The following AHCTF1 variants were observed in gnomAD, a reference collection of about 807,000 sequenced individuals.
The protein encoded by AHCTF1 is protein ELYS.
AHCTF1 carries 24 observed loss-of-function variants against 248.4 expected under a neutral mutation model. That is an observed-to-expected ratio of 0.10 (90% CI 0.07 to 0.14). The LOEUF is 0.14. Ranked by LOEUF, AHCTF1 falls within the 10% of genes least tolerant of loss-of-function variation. The pLI, the probability that AHCTF1 is intolerant of heterozygous loss-of-function variation, is 1.00. For missense variants in AHCTF1, 2,206 were observed against 2,636.2 expected, an observed-to-expected ratio of 0.84 and a Z score of 3.57; for synonymous variants, 786 against 929.8, an observed-to-expected ratio of 0.85 and a Z score of 2.81.
chr1:246,903,566 AC>A (rs1665154055), intron 7 of AHCTF1, among the ~76,000 whole-genome samples: 1 of 152,048 alleles, frequency 6.6e-6, no homozygotes, highest in African/African-American at 2.4e-5. Context: ...GCGGTGGCTC[AC>A]ACCTGTAATC....
intron 1 of AHCTF1, among the ~76,000 whole-genome samples, chr1:246,922,509 T>A (rs1227480323): frequency 6.6e-6 from 1 of 150,908 alleles, no homozygotes; most frequent in African/African-American, 2.4e-5. Context: ...CAATGCAGCC[T>A]CAATCTCCTG....
intron 30 of AHCTF1, among the ~76,000 whole-genome samples, chr1:246,857,340 TCTA>T (rs1324309399): frequency 1.3e-5 from 2 of 152,194 alleles, no homozygotes; most frequent in African/African-American, 4.8e-5. Flanking sequence ...TCCCCTGTGC[TCTA>T]CTGTGTCTAC....
At position 246,851,135 on chromosome 1, in the gene AHCTF1, T is replaced by C. The variant is rs143544844; in HGVS notation, c.4871A>G (p.Glu1624Gly). The change falls in exon 33 of 36, where the codon GAA becomes GGA. Residue 1624 changes from glutamate to glycine, a missense_variant. This residue lies in a region of AHCTF1 where 955 missense variants were observed against 1,055.6 expected (regional missense o/e 0.90). Coordinates refer to ENST00000648844, the MANE Select transcript of AHCTF1 (RefSeq NM_001323342.2). ...ATTTTCCCCACTGCATACAAGTTTT[T>C]CTTCAGTTGCTGTGTTAGCTGCTTT... is the stretch of plus-strand genomic sequence containing the variant. ...LPKAANTATEEKLVCSGENDN... is the reference protein window; with the variant it reads ...LPKAANTATEGKLVCSGENDN... The C allele has an allele frequency of 4.0e-5, 64 of 1,613,956 alleles. No homozygotes were observed. In the African/African-American group the frequency reaches 6.9e-4, roughly 17 times the overall value.
rs755808040 is a variant in AHCTF1 at position 246,919,630 on chromosome 1, T to G, written c.-7-1253A>C. ...CGGGAGGCTGAAGCAGGAGAATCAC[T>G]TGAACCCAGGAGGTGGAGGTTGCAG... is the stretch of plus-strand genomic sequence containing the variant. On this transcript the variant is annotated intron_variant, in intron 1 of 35. Coordinates refer to ENST00000648844, the MANE Select transcript of AHCTF1 (RefSeq NM_001323342.2). Among the ~76,000 whole-genome samples, 2 of 151,304 alleles carry G rather than the reference T, an allele frequency of 1.3e-5. 1 individual carries two copies. Among genetic ancestry groups the G allele is most frequent in the South Asian group, 4.2e-4 (2 of 4,794 alleles).
rs368307524 is a variant in AHCTF1 at position 246,840,950 on chromosome 1, C to A, written c.6657G>T (p.Arg2219=). 1 of 1,611,956 alleles carries A rather than the reference C, an allele frequency of 6.2e-7. No homozygotes were observed. Among genetic ancestry groups the A allele is most frequent in the Non-Finnish European group, 8.5e-7 (1 of 1,179,278 alleles). The stretch of plus-strand genomic sequence containing the variant: ...CTGGGCTAGCCAAGGGGGAAATCAG[C>A]CGAATTTCTATGGGAGGAGGTGACC... ...SAWSPPPIEI[R]LISPLASPAD... is the part of the protein sequence containing the mutation. The change falls in exon 36 of 36, where the codon CGG becomes CGT. Residue 2219 remains arginine (R), a synonymous_variant. Coordinates refer to ENST00000648844, the MANE Select transcript of AHCTF1 (RefSeq NM_001323342.2).
intron 24 of AHCTF1, among the ~76,000 whole-genome samples, chr1:246,868,497 C>T (rs937563331): frequency 1.3e-5 from 2 of 151,916 alleles, no homozygotes; most frequent in Non-Finnish European, 2.9e-5. Flanking sequence ...TCAAGTGATC[C>T]TCCCTCCTCG....
intron 24 of AHCTF1, among the ~76,000 whole-genome samples, chr1:246,871,248 A>G (rs1662573781): frequency 6.6e-6 from 1 of 152,158 alleles, no homozygotes; most frequent in Admixed American, 6.5e-5. Flanking sequence ...TCAGACATTA[A>G]TGGTCTAGGT....
intron 31 of AHCTF1, among the ~76,000 whole-genome samples, chr1:246,854,978 A>G (rs1216003257): frequency 6.6e-6 from 1 of 152,236 alleles, no homozygotes; most frequent in Non-Finnish European, 1.5e-5. Flanking sequence ...ATGTTAGACA[A>G]TTCTCTCTGG....
At chr1:246,852,691 A>G (rs1660799460) in intron 32 of AHCTF1, among the ~76,000 whole-genome samples, 1 of 152,184 alleles carries the variant, frequency 6.6e-6, no homozygotes, top group African/African-American at 2.4e-5. Flanking sequence ...ATCAGCAAAA[A>G]TTAACTTGAT....
chr1:246,895,363 A>G (rs564827505), intron 13 of AHCTF1, among the ~76,000 whole-genome samples: 10 of 152,060 alleles, frequency 6.6e-5, no homozygotes, highest in Non-Finnish European at 1.2e-4. Context: ...AATGGTTCAG[A>G]AAAAAAACTA....
rs1460634121 is a variant in AHCTF1 at position 246,864,713 on chromosome 1, G to A, written c.3348-597C>T. Among the ~76,000 whole-genome samples the A allele has an allele frequency of 2.9e-5, 2 of 68,416 alleles. 1 individual carries two copies. Among genetic ancestry groups the A allele is most frequent in the Non-Finnish European group, 4.6e-5 (2 of 43,922 alleles). 44.9% of individuals were successfully genotyped at this position (68,416 alleles called of 152,430 possible). On this transcript the variant is annotated intron_variant, in intron 26 of 35. Transcript: ENST00000648844. ...AAATTAGCCGGGCGCGGTGGCGGGC[G>A]CCTGTAGTCCCAGCTACTCGGGAGG...
At chr1:246,897,756 G>A (rs531355327) in intron 12 of AHCTF1, among the ~76,000 whole-genome samples, 14 of 152,244 alleles carry the variant, frequency 9.2e-5, no homozygotes, top group African/African-American at 3.1e-4. Context: ...CAAGGTGGGA[G>A]GGTAACTTGA....
At position 246,918,256 on chromosome 1, in the gene AHCTF1, C is replaced by A; in HGVS notation, c.115G>T (p.Ala39Ser). 1.2e-6 allele frequency: 2 copies of A among 1,606,044 alleles called. No individual in the cohort carries two copies. Among genetic ancestry groups the A allele is most frequent in the African/African-American group, 2.7e-5 (2 of 74,868 alleles). Residue 39 changes from alanine (A) to serine (S), a missense_variant, in exon 2 of 36, where the codon GCT becomes TCT. Transcript: ENST00000648844. ...TLESVLRGKF[A>S]AGKNGLACLA... ...TCAGTGACATTATGTTTACCTGCAG[C>A]AAACTTTCCACGAAGCACAGATTCT...
chr1:246,904,130 A>C, intron 6 of AHCTF1, 97 bp from the exon 7 acceptor site: 1 of 986,172 alleles, frequency 1.0e-6, no homozygotes, highest in Non-Finnish European at 1.6e-6. Context: ...TGTTGAGTGC[A>C]TGTGACAAAA....
intron 1 of AHCTF1, among the ~76,000 whole-genome samples, chr1:246,920,164 AAAAAG>A (rs1666434485): frequency 6.7e-6 from 1 of 149,448 alleles, no homozygotes; most frequent in African/African-American, 2.5e-5. Context: ...AAAAAAAAAA[AAAAAG>A]AAAAGAAGCT....
Position 246,839,522 on chromosome 1 carries a change from A to C in AHCTF1, c.*1284T>G. 1.0e-6 allele frequency: 1 copy of C among 985,842 alleles called. No individual in the cohort carries two copies. The highest frequency in any genetic ancestry group is 1.2e-6 in the Non-Finnish European group (1 of 829,914). The allele number at this position is 985,842 out of a possible 1,614,324, so 61.1% of individuals were successfully genotyped here. Reference sequence around the variant, plus strand: ...TTTTCAACAAGGCAGCGTAACATCCATCACTAACCTGACTAAAAGGCCGCA... The same window carrying C: ...TTTTCAACAAGGCAGCGTAACATCCCTCACTAACCTGACTAAAAGGCCGCA... On this transcript the variant is annotated 3_prime_UTR_variant, in exon 36 of 36. Coordinates refer to ENST00000648844, the MANE Select transcript of AHCTF1 (RefSeq NM_001323342.2).
Position 246,853,343 on chromosome 1 carries a change from T to A in AHCTF1, c.4355-44A>T, listed in dbSNP as rs772940820. On this transcript the variant is annotated intron_variant, in intron 31 of 35. Transcript: ENST00000648844. The stretch of plus-strand genomic sequence containing the variant: ...AATTTTTTACATTTAAACTGAAAAA[T>A]AAATCCACACACAAGGAAGCAAACA... The A allele has an allele frequency of 5.3e-6, 8 of 1,501,134 alleles. No homozygotes were observed. The African/African-American group carries it at 1.1e-4, about 21-fold the overall frequency. The allele number at this position is 1,501,134 out of a possible 1,614,324, so 93.0% of individuals were successfully genotyped here. A position where few individuals can be genotyped will look rare whatever the true frequency, so the allele number is the denominator to read the frequency against.
chr1:246,914,665 T>C (rs1666021784), intron 3 of AHCTF1, among the ~76,000 whole-genome samples: 1 of 152,150 alleles, frequency 6.6e-6, no homozygotes. Flanking sequence ...AAAATAAACA[T>C]AATGAGTGTA....
At chr1:246,918,897 T>C (rs1666331700) in intron 1 of AHCTF1, among the ~76,000 whole-genome samples, 1 of 152,172 alleles carries the variant, frequency 6.6e-6, no homozygotes, top group African/African-American at 2.4e-5. Flanking sequence ...GAAAAAGTGA[T>C]TGGTGTCTTT....
Sources: allele counts gnomAD v4.1 joint callset (sites outside exome capture counted in the v4.1 genomes callset), GRCh38; gene constraint gnomAD v4.1.1; regional missense constraint gnomAD v4.1.1; transcripts MANE v1.5; gene names NCBI Gene and HGNC (gene_info 2026-07-23, HGNC 2026-07-21).